The following MYO5C variants were observed in gnomAD, a reference collection of about 807,000 sequenced individuals.
MYO5C encodes unconventional myosin-Vc.
A neutral mutation model predicts 235.7 loss-of-function variants in MYO5C; 194 were observed. The ratio of observed to expected loss-of-function variants is 0.82; its 90% CI spans 0.73 to 0.93. The LOEUF (loss-of-function observed/expected upper bound fraction) is 0.93, where lower values mean the gene tolerates loss of function less well. MYO5C is among the 40% of genes least tolerant of loss of function. The pLI is 0.00. For missense variants in MYO5C, 2,038 were observed against 2,127.2 expected (o/e 0.96, Z 0.82); for synonymous variants, 707 against 754.8 (o/e 0.94, Z 1.04).
intron 12 of MYO5C, among the ~76,000 whole-genome samples, chr15:52,252,690 A>G (rs1358276415): frequency 6.6e-6 from 1 of 151,656 alleles, no homozygotes; most frequent in African/African-American, 2.4e-5. Flanking sequence ...CAGGAGAATC[A>G]CTTGAACTCA....
intron 1 of MYO5C, among the ~76,000 whole-genome samples, chr15:52,295,403 G>T (rs1566999594): frequency 1.3e-5 from 2 of 152,150 alleles, no homozygotes; most frequent in Non-Finnish European, 2.9e-5. Flanking sequence ...GACGGAGCAC[G>T]CCGGGGCCCT....
chr15:52,225,141 G>A lies in MYO5C; in HGVS notation c.3302-3C>T. The stretch of plus-strand genomic sequence containing the variant: ...TTTGGTGATCTCTGACATCTTTTCT[G>A]AAAGGGAAAGGCAGAGTTGTATATA... On this transcript the variant is annotated splice_polypyrimidine_tract_variant and splice_region_variant and intron_variant, in intron 26 of 40. Coordinates refer to ENST00000261839, the MANE Select transcript of MYO5C (RefSeq NM_018728.4). 1 of 1,613,810 alleles carries A rather than the reference G, an allele frequency of 6.2e-7. No individual in the cohort carries two copies.
intron 1 of MYO5C, among the ~76,000 whole-genome samples, chr15:52,291,828 T>A (rs1457548092): frequency 5.3e-5 from 7 of 132,458 alleles, no homozygotes; most frequent in Non-Finnish European, 1.1e-4. Flanking sequence ...AAGCTTCGCC[T>A]CCCGGGTTCA....
intron 10 of MYO5C, among the ~76,000 whole-genome samples, chr15:52,257,547 G>C (rs1466130013): frequency 1.3e-5 from 2 of 152,282 alleles, no homozygotes; most frequent in Admixed American, 6.5e-5. Context: ...CAAAACAGAG[G>C]CACCAAATTT....
At chr15:52,199,141 C>A (rs1334191803) in intron 38 of MYO5C, among the ~76,000 whole-genome samples, 1 of 152,024 alleles carries the variant, frequency 6.6e-6, no homozygotes, top group Non-Finnish European at 1.5e-5. Context: ...GATCCGCCCA[C>A]CTCGGCCTCC....
At chr15:52,197,094 C>T (rs751735619) in intron 38 of MYO5C, among the ~76,000 whole-genome samples, 3 of 152,122 alleles carry the variant, frequency 2.0e-5, no homozygotes, top group Non-Finnish European at 4.4e-5. Flanking sequence ...TTCTCAAAAT[C>T]GAATACAGAC....
At chr15:52,232,840 A>C (rs915266371) in intron 23 of MYO5C, among the ~76,000 whole-genome samples, 155 bp from the exon 24 acceptor site, 2 of 152,260 alleles carry the variant, frequency 1.3e-5, no homozygotes, top group African/African-American at 4.8e-5. Context: ...TTTATAAACA[A>C]GAAATAAAGA....
chr15:52,275,272 G>A (rs887231748), intron 5 of MYO5C, among the ~76,000 whole-genome samples: 11 of 152,366 alleles, frequency 7.2e-5, no homozygotes, highest in African/African-American at 2.6e-4. Flanking sequence ...AGTGATTTCA[G>A]TGTACCAGTG....
At position 52,244,465 on chromosome 15, in the gene MYO5C, C is replaced by T; in HGVS notation, c.2281G>A (p.Val761Ile). 2.5e-6 allele frequency: 4 copies of T among 1,614,190 alleles called. No homozygotes were observed. Among genetic ancestry groups the T allele is most frequent in the Non-Finnish European group, 3.4e-6 (4 of 1,180,040 alleles). Reference sequence around the variant, plus strand: ...CCACGCATGTGCTTTTGTACCATAACACAACTCTGCCTCAGTTTATCCAAT... The same window carrying T: ...CCACGCATGTGCTTTTGTACCATAATACAACTCTGCCTCAGTTTATCCAAT... ...LRLDKLRQSCVMVQKHMRGWL... is the reference protein window; with the variant it reads ...LRLDKLRQSCIMVQKHMRGWL... The change falls in exon 19 of 41, where the codon GTT (valine) becomes ATT (isoleucine). Residue 761 changes from valine (V) to isoleucine (I), a missense_variant. By Grantham distance (29) the Val-to-Ile change is conservative. Transcript: ENST00000261839.
At chr15:52,225,352 T>C (rs1293852049) in intron 26 of MYO5C, 87 bp downstream of exon 26, 3 of 1,229,448 alleles carry the variant, frequency 2.4e-6, no homozygotes. Context: ...ACCAAATTCA[T>C]ACCAAAGGAC....
chr15:52,212,695 A>G (rs1172492248), intron 34 of MYO5C, among the ~76,000 whole-genome samples: 1 of 152,234 alleles, frequency 6.6e-6, no homozygotes, highest in Non-Finnish European at 1.5e-5. Context: ...CACATGGGAC[A>G]TTCCTGTAAC....
intron 38 of MYO5C, among the ~76,000 whole-genome samples, chr15:52,199,563 T>TGAAACTCAGAGGTG (rs71425732): frequency 0.17 from 25,112 of 152,004 alleles, 2,332 homozygotes; most frequent in Admixed American, 0.28. Flanking sequence ...CGCCACAGGT[T>TGAAACTCAGAGGTG]GAAACTCAGA....
At chr15:52,210,469 T>C (rs1408237496) in intron 35 of MYO5C, among the ~76,000 whole-genome samples, 2 of 152,324 alleles carry the variant, frequency 1.3e-5, no homozygotes, top group African/African-American at 4.8e-5. Context: ...GATCAGTACA[T>C]TGTAATTCCC....
In MYO5C at chr15:52,279,550, CT is replaced by C; in HGVS notation, c.262del (p.Arg88GlufsTer21). The C allele has an allele frequency of 6.2e-7, 1 of 1,613,984 alleles. No homozygotes were observed. Among genetic ancestry groups the C allele is most frequent in the South Asian group, 1.1e-5 (1 of 91,074 alleles). ...LHEPAVLHNL[R>X]IRFAESKLIY... ...GAGTTTGGATTCTGCAAAGCGGATT[CT>C]GAGGTTGTGGAGCACCGCGGGCTCG... On this transcript the variant is annotated frameshift_variant, in exon 3 of 41. Coordinates refer to ENST00000261839, the MANE Select transcript of MYO5C (RefSeq NM_018728.4). LOFTEE classifies it high-confidence loss of function.
At chr15:52,203,202 G>A (rs58197974) in intron 38 of MYO5C, among the ~76,000 whole-genome samples, 3,740 of 151,970 alleles carry the variant, frequency 0.025, 153 homozygotes, top group African/African-American at 0.087. Context: ...GGGATTACAG[G>A]TGTGAGCCAC....
chr15:52,283,360 T>C (rs528137521), intron 1 of MYO5C, among the ~76,000 whole-genome samples: 2 of 152,350 alleles, frequency 1.3e-5, no homozygotes, highest in East Asian at 1.9e-4. Flanking sequence ...GAAAGAACTT[T>C]GTAAAATGCT....
intron 11 of MYO5C, among the ~76,000 whole-genome samples, chr15:52,256,183 G>A (rs1031529823): frequency 6.6e-6 from 1 of 152,172 alleles, no homozygotes. Flanking sequence ...ATAGGAAGAG[G>A]CCAGGAGGTA....
intron 23 of MYO5C, among the ~76,000 whole-genome samples, chr15:52,233,477 C>G (rs1209430100): frequency 1.3e-5 from 2 of 152,168 alleles, no homozygotes; most frequent in African/African-American, 4.8e-5. Flanking sequence ...CTTCTACCCT[C>G]TAGAAGCCAG....
At chr15:52,292,629 T>C in intron 1 of MYO5C, among the ~76,000 whole-genome samples, 1 of 152,240 alleles carries the variant, frequency 6.6e-6, no homozygotes, top group East Asian at 1.9e-4. Context: ...AAACGTTCAG[T>C]CATGCACACA....
Sources: allele counts gnomAD v4.1 joint callset (sites outside exome capture counted in the v4.1 genomes callset), GRCh38; gene constraint gnomAD v4.1.1; transcripts MANE v1.5; gene names NCBI Gene and HGNC (gene_info 2026-07-23, HGNC 2026-07-21).